The following GPRIN1 variants were observed in gnomAD, a reference collection of about 807,000 sequenced individuals.
The protein encoded by GPRIN1 is G protein-regulated inducer of neurite outgrowth 1.
GPRIN1 carries 4 observed loss-of-function variants against 2.8 expected under a neutral mutation model. That is an observed-to-expected ratio of 1.45 (90% CI 0.71 to 3.32). The LOEUF (loss-of-function observed/expected upper bound fraction) is 3.32, where lower values mean the gene tolerates loss of function less well. GPRIN1 is among the 30% of genes most tolerant of loss of function. The pLI is 0.01. For synonymous variants in GPRIN1, 589 were observed against 589.9 expected (o/e 1.00, Z 0.02); for missense variants, 1,322 against 1,343.4 (o/e 0.98, Z 0.25).
chr5:176,596,679 G>C lies in GPRIN1; in HGVS notation c.*129C>G. The C allele has an allele frequency of 2.9e-6, 2 of 693,210 alleles. No individual in the cohort carries two copies. Among genetic ancestry groups the C allele is most frequent in the African/African-American group, 1.9e-5 (1 of 53,332 alleles). 42.9% of individuals were successfully genotyped at this position (693,210 alleles called of 1,614,324 possible). A position where few individuals can be genotyped will look rare whatever the true frequency, so the allele number is the denominator to read the frequency against. ...TGGGAGGGGCTGGAAAGACGGGGAC[G>C]CAACAGCCCTAGAGGCTGCACAACC... On this transcript the variant is annotated 3_prime_UTR_variant, in exon 2 of 2. Transcript: ENST00000303991. This position sits in a 1 kb window ranked among gnomAD's most constrained non-coding sequence, Gnocchi z 5.2.
intron 1 of GPRIN1, among the ~76,000 whole-genome samples, chr5:176,604,338 G>A (rs1358871305): frequency 6.6e-6 from 1 of 152,158 alleles, no homozygotes; most frequent in Non-Finnish European, 1.5e-5. Flanking sequence ...ATCACATGAG[G>A]CATGGTGGAG....
At chr5:176,604,015 T>C (rs1246253926) in intron 1 of GPRIN1, among the ~76,000 whole-genome samples, 1 of 152,168 alleles carries the variant, frequency 6.6e-6, no homozygotes, top group Non-Finnish European at 1.5e-5. Flanking sequence ...TTAGGAATCA[T>C]TCCATTAACT....
chr5:176,606,695 G>A (rs761497466), intron 1 of GPRIN1, among the ~76,000 whole-genome samples: 16 of 152,142 alleles, frequency 1.1e-4, no homozygotes, highest in Non-Finnish European at 1.6e-4. Flanking sequence ...CTCACAGCCG[G>A]CCCTTCATGT....
chr5:176,600,308 G>C (rs1256885970), intron 1 of GPRIN1, among the ~76,000 whole-genome samples: 1 of 151,810 alleles, frequency 6.6e-6, no homozygotes, highest in Non-Finnish European at 1.5e-5. Context: ...GTATTTTGTT[G>C]GTCAGGCTGG....
rs1759102726 is a variant in GPRIN1, at chr5:176,599,052, A to G, written c.783T>C (p.Tyr261=). The G allele has an allele frequency of 1.2e-6, 2 of 1,613,946 alleles. No homozygotes were observed. Among genetic ancestry groups the G allele is most frequent in the Non-Finnish European group, 1.7e-6 (2 of 1,179,982 alleles). The part of the protein sequence containing the change: ...PVFPRKEEPR[Y]SGKEHPVSSE... ...AGGACACAGGATGCTCTTTTCCTGA[A>G]TACCTGGGCTCCTCCTTTCTTGGGA... is the stretch of plus-strand genomic sequence containing the variant. The change falls in exon 2 of 2, where the codon TAT becomes TAC. Residue 261 remains tyrosine (Y), a synonymous_variant. Coordinates refer to ENST00000303991, the MANE Select transcript of GPRIN1 (RefSeq NM_052899.3).
In GPRIN1 at chr5:176,598,891, G is replaced by A. The variant is rs142746827; in HGVS notation, c.944C>T (p.Pro315Leu). ...TGGAATCAGCTTGCCCAGGAGCCCC[G>A]GCTCTGTCTTTCCTGTGGACGCAGA... ...MDSASTGKTE[P>L]GLLGKLIPGS... The change falls in exon 2 of 2, where the codon CCG becomes CTG. Residue 315 changes from proline to leucine, a missense_variant. By Grantham distance (98) the Pro-to-Leu change is moderately conservative. This residue lies in a region of GPRIN1 where 1,117 missense variants were observed against 1,128.6 expected (regional missense o/e 0.99). Transcript: ENST00000303991. The A allele has an allele frequency of 2.9e-5, 47 of 1,613,980 alleles. No homozygotes were observed. In the South Asian group the frequency reaches 3.1e-4, roughly 11 times the overall value.
chr5:176,598,868 GA>G lies in GPRIN1; in HGVS notation c.966del (p.Pro323GlnfsTer39). 6.2e-7 allele frequency: 1 copy of G among 1,614,010 alleles called. No homozygotes were observed. The highest frequency in any genetic ancestry group is 8.5e-7 in the Non-Finnish European group (1 of 1,180,008). On this transcript the variant is annotated frameshift_variant, in exon 2 of 2. Transcript: ENST00000303991. LOFTEE classifies it low-confidence loss of function (END_TRUNC). ...GGCCCATTCTTGCCTGATGAGCCTG[GA>G]ATCAGCTTGCCCAGGAGCCCCGGCT... ...KTEPGLLGKL[I>X]PGSSGKNGPV... is the part of the protein sequence containing the mutation.
At position 176,599,538 on chromosome 5, in the gene GPRIN1, G is replaced by A. The variant is rs773762496; in HGVS notation, c.297C>T (p.Phe99=). The A allele has an allele frequency of 5.0e-6, 8 of 1,597,890 alleles. No individual in the cohort carries two copies. Among genetic ancestry groups the A allele is most frequent in the Non-Finnish European group, 6.8e-6 (8 of 1,171,396 alleles). Residue 99 remains phenylalanine, a synonymous_variant, in exon 2 of 2, where the codon TTC becomes TTT. Transcript: ENST00000303991. ...GSLACPSPTC[F]SPQESPSKET... is the part of the protein sequence containing the mutation. ...CCTTGGAGGGTGACTCCTGGGGAGAGAAGCAGGTTGGGGAGGGGCAGGCCA... is the reference window on the plus strand; with the variant it reads ...CCTTGGAGGGTGACTCCTGGGGAGAAAAGCAGGTTGGGGAGGGGCAGGCCA...
chr5:176,605,044 G>A lies in GPRIN1; in HGVS notation c.-44+4955C>T, dbSNP rs10057792. On this transcript the variant is annotated intron_variant, in intron 1 of 1. Transcript: ENST00000303991. ...TACCGCGCCCAGCATGGATATCCATGTTTTAAATATTGGCTAATTTAAAAA... is the reference window on the plus strand; with the variant it reads ...TACCGCGCCCAGCATGGATATCCATATTTTAAATATTGGCTAATTTAAAAA... 8.9e-3 allele frequency among the ~76,000 whole-genome samples: 1,348 copies of A among 150,886 alleles called. 21 individuals are homozygous for A. The highest frequency in any genetic ancestry group is 0.032 in the African/African-American group (1,296 of 41,050).
Position 176,597,228 on chromosome 5 carries a change from G to T in GPRIN1, c.2607C>A (p.Arg869=). 8.0e-7 allele frequency: 1 copy of T among 1,257,776 alleles called. No homozygotes were observed. The highest frequency in any genetic ancestry group is 3.0e-5 in the South Asian group (1 of 33,514). 77.9% of individuals were successfully genotyped at this position (1,257,776 alleles called of 1,614,324 possible). ...LQVSLGAAET[R]SVATGPMTPQ... Reference sequence around the variant, plus strand: ...GTGTCATGGGCCCAGTGGCCACGGAGCGCGTCTCGGCGGCGCCCAGCGACA... The same window carrying T: ...GTGTCATGGGCCCAGTGGCCACGGATCGCGTCTCGGCGGCGCCCAGCGACA... The change falls in exon 2 of 2, where the codon CGC becomes CGA. Residue 869 remains arginine, a synonymous_variant. Transcript: ENST00000303991. The surrounding 1 kb of genome is among the most constrained non-coding windows in gnomAD (Gnocchi z 6.1).
At chr5:176,605,238 C>T (rs555066795) in intron 1 of GPRIN1, among the ~76,000 whole-genome samples, 143 of 152,014 alleles carry the variant, frequency 9.4e-4, no homozygotes, top group African/African-American at 3.3e-3. Context: ...GGGCTACAGG[C>T]GCACATCACC....
chr5:176,596,966 G>A lies in GPRIN1; in HGVS notation c.2869C>T (p.Pro957Ser), dbSNP rs963316672. ...EEHGRQGAPA[P>S]PPAARAGPGR... ...GGGCCGGCACGGGCGGCGGGCGGCG[G>A]CGCGGGCGCCCCTTGGCGGCCGTGC... Residue 957 changes from proline to serine, a missense_variant, in exon 2 of 2, where the codon CCG becomes TCG. By Grantham distance (74) the Pro-to-Ser change is moderately conservative. This residue lies in a region of GPRIN1 where 196 missense variants were observed against 189.2 expected (regional missense o/e 1.04). Transcript: ENST00000303991. The surrounding 1 kb of genome is among the most constrained non-coding windows in gnomAD (Gnocchi z 5.2). 7 of 1,343,004 alleles carry A rather than the reference G, an allele frequency of 5.2e-6. No individual in the cohort carries two copies. In the African/African-American group the frequency reaches 7.6e-5, roughly 15 times the overall value. 83.2% of individuals were successfully genotyped at this position (1,343,004 alleles called of 1,614,324 possible).
At chr5:176,601,960 C>T (rs1012797990) in intron 1 of GPRIN1, among the ~76,000 whole-genome samples, 1 of 152,210 alleles carries the variant, frequency 6.6e-6, no homozygotes, top group Non-Finnish European at 1.5e-5. Context: ...ATGTACCCCT[C>T]TGCTCGGAAC....
In GPRIN1 at chr5:176,602,786, C is replaced by A. The variant is rs756033459; in HGVS notation, c.-43-2909G>T. On this transcript the variant is annotated intron_variant, in intron 1 of 1. Coordinates refer to ENST00000303991, the MANE Select transcript of GPRIN1 (RefSeq NM_052899.3). The surrounding 1 kb of genome is among the most constrained non-coding windows in gnomAD (Gnocchi z 4.4). ...GGTTCTGTGAACTGTGGGACAACCA[C>A]GCAGAGCACCGGGCAGCTACTAGAA... Among the ~76,000 whole-genome samples the A allele has an allele frequency of 1.3e-5, 2 of 151,998 alleles. No homozygotes were observed. Among genetic ancestry groups the A allele is most frequent in the Non-Finnish European group, 2.9e-5 (2 of 68,014 alleles).
Position 176,610,045 on chromosome 5 carries a change from CCCG to C in GPRIN1, c.-93_-91del, listed in dbSNP as rs574346030. On this transcript the variant is annotated 5_prime_UTR_variant, in exon 1 of 2. Transcript: ENST00000303991. Reference sequence around the variant, plus strand: ...CTCCTGGGCGAGATGCGCTCCGGCTCCCGCCGCCGCCGCCGCCGCCGCCCGAGC... The same window carrying C: ...CTCCTGGGCGAGATGCGCTCCGGCTCCCGCCGCCGCCGCCGCCGCCCGAGC... 1.7e-4 allele frequency: 26 copies of C among 151,512 alleles called. No individual in the cohort carries two copies. The highest frequency in any genetic ancestry group is 3.9e-4 in the East Asian group (2 of 5,188). 9.4% of individuals were successfully genotyped at this position (151,512 alleles called of 1,614,324 possible).
Position 176,598,446 on chromosome 5 carries a change from C to T in GPRIN1, c.1389G>A (p.Arg463=). ...TACTTCCAGCAGATATGGGGTCCTC[C>T]CTTCTGGAGGACACCGGGTCCTCTT... ...PGKEDPVSSR[R]EDPISAGSRK... is the part of the protein sequence containing the mutation. The change falls in exon 2 of 2, where the codon AGG becomes AGA. Residue 463 remains arginine (R), a synonymous_variant. Coordinates refer to ENST00000303991, the MANE Select transcript of GPRIN1 (RefSeq NM_052899.3). 6.2e-7 allele frequency: 1 copy of T among 1,614,070 alleles called. No individual in the cohort carries two copies. The highest frequency in any genetic ancestry group is 8.5e-7 in the Non-Finnish European group (1 of 1,180,002).
chr5:176,597,784 C>T lies in GPRIN1; in HGVS notation c.2051G>A (p.Gly684Glu), dbSNP rs750330826. ...SCRKAEPLAS[G>E]KGEPVSLGKA... ...CCCCAGGGACACAGGCTCTCCCTTC[C>T]CTGAGGCAAGGGGCTCTGCTTTTCT... Residue 684 changes from glycine to glutamate, a missense_variant, in exon 2 of 2, where the codon GGG becomes GAG. Gly to Glu is a moderately conservative substitution (Grantham distance 98). This residue lies in a region of GPRIN1 where 1,117 missense variants were observed against 1,128.6 expected (regional missense o/e 0.99). Transcript: ENST00000303991. This position sits in a 1 kb window ranked among gnomAD's most constrained non-coding sequence, Gnocchi z 6.1. 6.2e-7 allele frequency: 1 copy of T among 1,604,754 alleles called. No homozygotes were observed. Among genetic ancestry groups the T allele is most frequent in the Non-Finnish European group, 8.5e-7 (1 of 1,175,352 alleles).
In GPRIN1 at chr5:176,597,706, A is replaced by T. The variant is rs2113346268; in HGVS notation, c.2129T>A (p.Val710Glu). Residue 710 changes from valine (V) to glutamate (E), a missense_variant, in exon 2 of 2, where the codon GTG becomes GAG. This residue lies in a region of GPRIN1 where 1,117 missense variants were observed against 1,128.6 expected (regional missense o/e 0.99). Coordinates refer to ENST00000303991, the MANE Select transcript of GPRIN1 (RefSeq NM_052899.3). The surrounding 1 kb of genome is among the most constrained non-coding windows in gnomAD (Gnocchi z 6.1). ...RKTESPSLGKVVPLSLEKTKP... is the reference protein window; with the variant it reads ...RKTESPSLGKEVPLSLEKTKP... Reference sequence around the variant, plus strand: ...GGTCTTCTCCAGACTCAGGGGGACCACCTTCCCCAAGGATGGGGACTCCGT... The same window carrying T: ...GGTCTTCTCCAGACTCAGGGGGACCTCCTTCCCCAAGGATGGGGACTCCGT... 1 of 1,594,686 alleles carries T rather than the reference A, an allele frequency of 6.3e-7. No individual in the cohort carries two copies. The highest frequency in any genetic ancestry group is 1.8e-5 in the Admixed American group (1 of 56,930).
At chr5:176,604,695 T>A (rs1759199311) in intron 1 of GPRIN1, among the ~76,000 whole-genome samples, 1 of 151,758 alleles carries the variant, frequency 6.6e-6, no homozygotes, top group South Asian at 2.1e-4. Context: ...GTTTCCTAAA[T>A]TTTTTTTTAG....
Sources: allele counts gnomAD v4.1 joint callset (sites outside exome capture counted in the v4.1 genomes callset), GRCh38; gene constraint gnomAD v4.1.1; regional missense constraint gnomAD v4.1.1; non-coding constraint Gnocchi (gnomAD v3.1); transcripts MANE v1.5; gene names NCBI Gene and HGNC (gene_info 2026-07-23, HGNC 2026-07-21).